Variants in EXOC2 observed in about 807,000 individuals in gnomAD.
The protein encoded by EXOC2 is exocyst complex component 2, also known as SEC5-like 1.
Under a neutral mutation model 131.8 loss-of-function variants are expected in EXOC2, and 70 were observed. The ratio of observed to expected loss-of-function variants is 0.53; its 90% CI spans 0.44 to 0.65. The LOEUF (loss-of-function observed/expected upper bound fraction) is 0.65, where lower values mean the gene tolerates loss of function less well. Among genes scored for constraint, EXOC2 ranks in the 30% least tolerant of loss-of-function variants. EXOC2 has a pLI of 0.00. For missense variants in EXOC2, 923 were observed against 1,108.6 expected, an observed-to-expected ratio of 0.83 and a Z score of 2.38; for synonymous variants, 411 against 398.4, an observed-to-expected ratio of 1.03 and a Z score of -0.38.
At chr6:585,645 A>G (rs1759167391) in intron 11 of EXOC2, among the ~76,000 whole-genome samples, 1 of 152,348 alleles carries the variant, frequency 6.6e-6, no homozygotes, top group South Asian at 2.1e-4. Flanking sequence ...ACATACAATT[A>G]ACATTTTTTT....
At chr6:669,614 T>A (rs1763771591) in intron 1 of EXOC2, 1 of 152,304 alleles carries the variant, frequency 6.6e-6, no homozygotes. Context: ...AAAGAAAATG[T>A]GGGAAGAGCA....
rs1761089890 is a variant in EXOC2 at position 617,805 on chromosome 6, G to A, written c.567C>T (p.Asn189=). 1.2e-6 allele frequency: 2 copies of A among 1,613,264 alleles called. No homozygotes were observed. Among genetic ancestry groups the A allele is most frequent in the South Asian group, 2.2e-5 (2 of 90,838 alleles). ...SFEQLKMAVT[N]LKRQANKKSE... is the part of the protein sequence containing the mutation. ...TCTTCTTGTTAGCCTGTCTCTTTAG[G>A]TTGGTGACTGCCATTTTGAGCTGCT... Residue 189 remains asparagine, a synonymous_variant, in exon 6 of 28, where the codon AAC becomes AAT. Transcript: ENST00000230449.
chr6:488,303 G>GGGCCC (rs1379376582), intron 27 of EXOC2, among the ~76,000 whole-genome samples: 1 of 152,214 alleles, frequency 6.6e-6, no homozygotes, highest in Non-Finnish European at 1.5e-5. Flanking sequence ...GCCTGTCTAT[G>GGGCCC]GGCCCGGCAG....
At chr6:592,048 T>C (rs1581510059) in intron 11 of EXOC2, among the ~76,000 whole-genome samples, 1 of 152,296 alleles carries the variant, frequency 6.6e-6, no homozygotes, top group East Asian at 1.9e-4. Context: ...CAGCATTTTA[T>C]TTGGTTAGTT....
intron 17 of EXOC2, among the ~76,000 whole-genome samples, chr6:557,640 A>G (rs964947775): frequency 6.6e-6 from 1 of 151,430 alleles, no homozygotes; most frequent in Non-Finnish European, 1.5e-5. Context: ...AAAAAAGAAA[A>G]GAAGAAGAAC....
chr6:610,232 T>G (rs1305110183), intron 6 of EXOC2, 54 bp from the exon 7 acceptor site: 1 of 1,393,760 alleles, frequency 7.2e-7, no homozygotes, highest in Non-Finnish European at 1.0e-6. Flanking sequence ...TGGAGATACA[T>G]TAAATCAAAA....
chr6:556,342 G>A (rs1757418901), intron 18 of EXOC2, 142 bp downstream of exon 18: 1 of 856,520 alleles, frequency 1.2e-6, no homozygotes, highest in South Asian at 1.7e-5. Flanking sequence ...TCGGAAATCA[G>A]CACATCTACG....
chr6:557,617 C>CAAAAAAAA (rs59474432), intron 17 of EXOC2, among the ~76,000 whole-genome samples: 1 of 111,166 alleles, frequency 9.0e-6, no homozygotes, highest in Non-Finnish European at 1.7e-5. Flanking sequence ...GACTTCATCT[C>CAAAAAAAA]AAAAAAAAAA....
At chr6:578,761 C>T (rs902657723) in intron 11 of EXOC2, among the ~76,000 whole-genome samples, 1 of 151,718 alleles carries the variant, frequency 6.6e-6, no homozygotes, top group African/African-American at 2.4e-5. Flanking sequence ...CACTGTGTTA[C>T]CAAAAAAATG....
chr6:528,597 C>T (rs1581372956), intron 23 of EXOC2, among the ~76,000 whole-genome samples: 1 of 151,970 alleles, frequency 6.6e-6, no homozygotes, highest in African/African-American at 2.4e-5. Context: ...AAATAAATTG[C>T]TGGTAGTATG....
At chr6:589,323 C>T (rs184347073) in intron 11 of EXOC2, among the ~76,000 whole-genome samples, 11 of 152,210 alleles carry the variant, frequency 7.2e-5, no homozygotes, top group Admixed American at 2.0e-4. Context: ...AACTGACTGT[C>T]GAGCACCTGC....
intron 10 of EXOC2, among the ~76,000 whole-genome samples, chr6:593,357 T>C (rs1237529203): frequency 6.6e-6 from 1 of 152,172 alleles, no homozygotes; most frequent in Non-Finnish European, 1.5e-5. Flanking sequence ...TTTCTAAAAC[T>C]AGCTAAATGA....
rs188560082 is a variant in EXOC2 at position 553,496 on chromosome 6, G to A, written c.2121+358C>T. On this transcript the variant is annotated intron_variant, in intron 21 of 27. Transcript: ENST00000230449. ...AACAGAGAAAAGCAGAACTACTCTGGTTGAAGAGGCAGGAGCCGTGAGGGG... is the reference window on the plus strand; with the variant it reads ...AACAGAGAAAAGCAGAACTACTCTGATTGAAGAGGCAGGAGCCGTGAGGGG... 1.7e-4 allele frequency among the ~76,000 whole-genome samples: 26 copies of A among 151,900 alleles called. No homozygotes were observed. The East Asian group carries it at 4.8e-3, about 28-fold the overall frequency.
chr6:541,817 T>G (rs1756567101), intron 22 of EXOC2, among the ~76,000 whole-genome samples: 1 of 152,170 alleles, frequency 6.6e-6, no homozygotes, highest in Admixed American at 6.5e-5. Flanking sequence ...AAAGAAAATC[T>G]GGGCATACGG....
chr6:560,383 G>C (rs1028965861), intron 17 of EXOC2, among the ~76,000 whole-genome samples: 1 of 152,172 alleles, frequency 6.6e-6, no homozygotes, highest in African/African-American at 2.4e-5. Context: ...AGTGCTGTCC[G>C]ATAGGTGTAT....
intron 13 of EXOC2, among the ~76,000 whole-genome samples, chr6:571,723 C>A (rs1459942273): frequency 6.6e-6 from 1 of 152,230 alleles, no homozygotes; most frequent in Non-Finnish European, 1.5e-5. Flanking sequence ...CAGAAGACCC[C>A]TATCTCCCCC....
chr6:629,563 AC>A (rs754184925), intron 4 of EXOC2, among the ~76,000 whole-genome samples: 79 of 152,344 alleles, frequency 5.2e-4, no homozygotes, highest in Non-Finnish European at 1.0e-3. Context: ...CCATCTCTAG[AC>A]AACATACTAA....
At chr6:607,350 G>A (rs982031524) in intron 7 of EXOC2, among the ~76,000 whole-genome samples, 2 of 152,174 alleles carry the variant, frequency 1.3e-5, no homozygotes, top group African/African-American at 2.4e-5. Context: ...TTAATCTTCT[G>A]GGCTTTAGTT....
At chr6:627,273 GAAAAGCATTTTTCTGGCC>G (rs1761625871) in intron 4 of EXOC2, among the ~76,000 whole-genome samples, 5 of 144,510 alleles carry the variant, frequency 3.5e-5, no homozygotes, top group Non-Finnish European at 6.0e-5. Flanking sequence ...AAGAAGCCTG[GAAAAGCATTTTTCTGGCC>G]AAAAGCATTA....
Sources: allele counts gnomAD v4.1 joint callset (sites outside exome capture counted in the v4.1 genomes callset), GRCh38; gene constraint gnomAD v4.1.1; transcripts MANE v1.5; gene names NCBI Gene and HGNC (gene_info 2026-07-23, HGNC 2026-07-21).